The following GPR158 variants were observed in gnomAD, a reference collection of about 807,000 sequenced individuals.
The protein encoded by GPR158 is metabotropic glycine receptor.
A neutral mutation model predicts 78.2 loss-of-function variants in GPR158; 30 were observed. The observed-to-expected ratio is 0.38, with a 90% confidence interval of 0.29 to 0.52. The LOEUF (loss-of-function observed/expected upper bound fraction) is 0.52. Ranked by LOEUF, GPR158 falls within the 20% of genes least tolerant of loss-of-function variation. GPR158 has a pLI of 0.83. For synonymous variants in GPR158, 581 were observed against 591.1 expected (o/e 0.98, Z 0.25); for missense variants, 1,463 against 1,523.5 (o/e 0.96, Z 0.66).
chr10:25,589,023 C>T lies in GPR158; in HGVS notation c.1770C>T (p.Leu590=). The T allele has an allele frequency of 6.3e-7, 1 of 1,576,674 alleles. No individual in the cohort carries two copies. Among genetic ancestry groups the T allele is most frequent in the Non-Finnish European group, 8.7e-7 (1 of 1,154,306 alleles). Residue 590 remains leucine, a synonymous_variant, in exon 8 of 11, where the codon CTC becomes CTT. Transcript: ENST00000376351. ...YMTAVAEFLF[L]LWGVYLCYAV... The stretch of plus-strand genomic sequence containing the variant: ...TTTTCACAGCTGAATTTTTATTCCT[C>T]TTGTGGGGTGTTTATCTCTGCTATG...
intron 4 of GPR158, among the ~76,000 whole-genome samples, chr10:25,427,586 A>G (rs1834841842): frequency 6.6e-6 from 1 of 152,078 alleles, no homozygotes; most frequent in African/African-American, 2.4e-5. Context: ...TTAAATTTGT[A>G]TAATTTACAT....
At chr10:25,592,641 T>G (rs369587541) in intron 8 of GPR158, among the ~76,000 whole-genome samples, 63 of 152,106 alleles carry the variant, frequency 4.1e-4, no homozygotes, top group African/African-American at 1.4e-3. Flanking sequence ...TTTTTTAAAG[T>G]TTCACTATTT....
chr10:25,575,501 G>GACTT (rs1837079976), intron 7 of GPR158, among the ~76,000 whole-genome samples: 1 of 152,078 alleles, frequency 6.6e-6, no homozygotes, highest in Non-Finnish European at 1.5e-5. Context: ...AGCTCACTCT[G>GACTT]ACTTCCTCAA....
chr10:25,209,561 C>G (rs1026897182), intron 1 of GPR158, among the ~76,000 whole-genome samples: 2 of 152,120 alleles, frequency 1.3e-5, no homozygotes, highest in African/African-American at 4.8e-5. Context: ...AGTAGGGACA[C>G]ACACACACAA....
At chr10:25,289,269 A>T (rs1431821330) in intron 2 of GPR158, among the ~76,000 whole-genome samples, 1 of 152,150 alleles carries the variant, frequency 6.6e-6, no homozygotes, top group Non-Finnish European at 1.5e-5. Context: ...TAGTATAGGT[A>T]TTGATGTGTA....
At chr10:25,275,854 G>C (rs1360322143) in intron 2 of GPR158, among the ~76,000 whole-genome samples, 1 of 152,068 alleles carries the variant, frequency 6.6e-6, no homozygotes, top group Non-Finnish European at 1.5e-5. Flanking sequence ...AATTATTGAA[G>C]GTGCTAGAAC....
intron 2 of GPR158, among the ~76,000 whole-genome samples, chr10:25,295,302 C>A (rs553744435): frequency 1.2e-4 from 19 of 152,326 alleles, no homozygotes; most frequent in Admixed American, 9.8e-4. Context: ...GCTGGCAGCT[C>A]TACATGTATG....
intron 5 of GPR158, among the ~76,000 whole-genome samples, chr10:25,532,431 T>C (rs1377117311): frequency 6.6e-6 from 1 of 152,216 alleles, no homozygotes; most frequent in Non-Finnish European, 1.5e-5. Flanking sequence ...TTCATGTTTC[T>C]TCTCAAAATA....
chr10:25,276,906 A>AT (rs34448038), intron 2 of GPR158, among the ~76,000 whole-genome samples: 7 of 151,614 alleles, frequency 4.6e-5, no homozygotes, highest in Non-Finnish European at 7.4e-5. Flanking sequence ...TCCTAGAGAC[A>AT]TTTTTTTCCC....
intron 2 of GPR158, among the ~76,000 whole-genome samples, chr10:25,312,373 C>T (rs577394995): frequency 2.0e-5 from 3 of 152,006 alleles, no homozygotes; most frequent in Non-Finnish European, 4.4e-5. Context: ...CTGATCTCAT[C>T]AGAAGATGTT....
At chr10:25,241,139 TTCTTTCTTTC>T (rs1434808151) in intron 2 of GPR158, among the ~76,000 whole-genome samples, 1 of 90,992 alleles carries the variant, frequency 1.1e-5, no homozygotes, top group Non-Finnish European at 2.2e-5. Context: ...CTTTCTTTCT[TTCTTTCTTTC>T]TTTCTTTCTT....
rs1338210019 is a variant in GPR158, at chr10:25,550,982, A to G, written c.1411A>G (p.Ile471Val). 4 of 1,573,756 alleles carry G rather than the reference A, an allele frequency of 2.5e-6. No individual in the cohort carries two copies. The African/African-American group carries it at 4.1e-5, about 16-fold the overall frequency. The part of the protein sequence containing the change: ...GSLLLYFPVV[I>V]LYFEPSTFRC... ...TTCTGTTTTCATCCCACAGGTTGTT[A>G]TTTTGTACTTTGAGCCAAGCACATT... The change falls in exon 6 of 11, where the codon ATT becomes GTT. Residue 471 changes from isoleucine to valine, a missense_variant. Physicochemically the swap from Ile to Val is conservative, Grantham distance 29. Coordinates refer to ENST00000376351, the MANE Select transcript of GPR158 (RefSeq NM_020752.3).
intron 5 of GPR158, among the ~76,000 whole-genome samples, chr10:25,540,948 AT>A (rs35782141): frequency 0.012 from 209 of 17,374 alleles, 1 homozygote; most frequent in African/African-American, 0.035. Context: ...TAATAAAAAT[AT>A]ATATATATAT....
In GPR158 at chr10:25,599,265, T is replaced by C. The variant is rs753502138; in HGVS notation, c.3639T>C (p.Phe1213=). ...GGAAAGAAGAGATCTGGGATAGTTT[T>C]AAAGTGTAGCATCTCCAGGAAGAAG... is the stretch of plus-strand genomic sequence containing the variant. ...GPRKEEIWDS[F]KV The change falls in exon 11 of 11, where the codon TTT becomes TTC. Residue 1213 remains phenylalanine (F), a synonymous_variant. Coordinates refer to ENST00000376351, the MANE Select transcript of GPR158 (RefSeq NM_020752.3). The C allele has an allele frequency of 8.4e-5, 135 of 1,607,826 alleles. 1 individual carries two copies. The highest frequency in any genetic ancestry group is 1.1e-4 in the Non-Finnish European group (132 of 1,176,952).
At chr10:25,302,052 A>G (rs917194124) in intron 2 of GPR158, among the ~76,000 whole-genome samples, 2 of 148,124 alleles carry the variant, frequency 1.4e-5, no homozygotes, top group Non-Finnish European at 3.0e-5. Context: ...TATCGCATCT[A>G]TCAGTAATTT....
intron 3 of GPR158, among the ~76,000 whole-genome samples, chr10:25,398,408 A>G (rs1297661232): frequency 6.6e-6 from 1 of 152,218 alleles, no homozygotes; most frequent in African/African-American, 2.4e-5. Context: ...CAGACATAAC[A>G]TATGATTCAA....
At chr10:25,511,188 C>A (rs1320994123) in intron 5 of GPR158, among the ~76,000 whole-genome samples, 1 of 151,950 alleles carries the variant, frequency 6.6e-6, no homozygotes, top group Admixed American at 6.6e-5. Context: ...CCCTTTTTGC[C>A]ACATCCCTGC....
At chr10:25,522,879 CGT>C (rs1198045182) in intron 5 of GPR158, among the ~76,000 whole-genome samples, 1 of 151,918 alleles carries the variant, frequency 6.6e-6, no homozygotes, top group Non-Finnish European at 1.5e-5. Context: ...AATTTATACA[CGT>C]ATTAATTTGT....
chr10:25,325,681 C>T (rs1162150628), intron 2 of GPR158, among the ~76,000 whole-genome samples: 1 of 152,078 alleles, frequency 6.6e-6, no homozygotes, highest in Non-Finnish European at 1.5e-5. Flanking sequence ...TTTTGAGGAG[C>T]TTTCATACCA....
Sources: gnomAD v4.1 joint callset for allele counts (sites outside exome capture counted in the v4.1 genomes callset) on GRCh38, gnomAD v4.1.1 for gene constraint, MANE v1.5 for transcripts, NCBI Gene and HGNC (gene_info 2026-07-23, HGNC 2026-07-21) for gene names.